TBC1D1: variants seen among roughly 807,000 people sequenced by gnomAD.
TBC1D1 encodes TBC1 (tre-2/USP6, BUB2, cdc16) domain family, member 1.
TBC1D1 carries 89 observed loss-of-function variants against 125.6 expected under a neutral mutation model. The observed-to-expected ratio is 0.71, with a 90% CI of 0.60 to 0.85. The LOEUF is 0.85. TBC1D1 is among the 40% of genes least tolerant of loss of function. The pLI, the probability that TBC1D1 is intolerant of heterozygous loss-of-function variation, is 0.00. For missense variants in TBC1D1, 1,377 were observed against 1,469.2 expected (o/e 0.94, Z 1.03); for synonymous variants, 565 against 564.1 (o/e 1.00, Z -0.02).
chr4:38,026,990 T>A (rs925930793), intron 6 of TBC1D1, among the ~76,000 whole-genome samples: 1 of 152,180 alleles, frequency 6.6e-6, no homozygotes, highest in Non-Finnish European at 1.5e-5. Flanking sequence ...TCCAACAGAA[T>A]AGGAGTTGTT....
intron 6 of TBC1D1, among the ~76,000 whole-genome samples, chr4:38,023,603 A>G (rs1165879085): frequency 2.0e-5 from 3 of 152,320 alleles, no homozygotes; most frequent in East Asian, 1.9e-4. Flanking sequence ...ACTTAGCATA[A>G]TGTTTTCCAG....
chr4:38,018,310 A>G (rs1743258070), intron 3 of TBC1D1, 44 bp from the exon 4 acceptor site: 2 of 1,391,650 alleles, frequency 1.4e-6, no homozygotes, highest in Non-Finnish European at 2.0e-6. Context: ...AGGTCATGAA[A>G]TGAGAAAGTT....
chr4:37,968,208 A>G (rs1039995384), intron 2 of TBC1D1, among the ~76,000 whole-genome samples: 3 of 152,304 alleles, frequency 2.0e-5, no homozygotes, highest in Admixed American at 6.5e-5. Context: ...AGCAAGTGTT[A>G]CTTACAAGGA....
chr4:37,895,294 C>T (rs2152207332), intron 1 of TBC1D1, among the ~76,000 whole-genome samples: 1 of 152,274 alleles, frequency 6.6e-6, no homozygotes, highest in African/African-American at 2.4e-5. Context: ...AGGAACACTG[C>T]AGGTAGGAGG....
intron 4 of TBC1D1, 60 bp downstream of exon 4, chr4:38,018,503 A>G (rs1044626460): frequency 1.1e-5 from 12 of 1,071,152 alleles, no homozygotes; most frequent in Non-Finnish European, 1.7e-5. Context: ...AATTTCTATA[A>G]TATCTATCAT....
At chr4:37,915,744 T>C (rs1207488321) in intron 2 of TBC1D1, among the ~76,000 whole-genome samples, 2 of 152,222 alleles carry the variant, frequency 1.3e-5, no homozygotes, top group Non-Finnish European at 2.9e-5. Flanking sequence ...TTCCTCATTT[T>C]TCCTTTCCTC....
chr4:38,133,028 G>C, intron 18 of TBC1D1, 56 bp from the exon 21 acceptor site: 1 of 1,536,966 alleles, frequency 6.5e-7, no homozygotes, highest in South Asian at 1.2e-5. Context: ...ACGCCTGCCT[G>C]TACTTGTGGG....
At chr4:38,087,845 CAAAAAAAAA>C (rs1215951890) in intron 12 of TBC1D1, among the ~76,000 whole-genome samples, 24 of 67,882 alleles carry the variant, frequency 3.5e-4, no homozygotes, top group Non-Finnish European at 3.8e-4. Flanking sequence ...GATTCCGTCT[CAAAAAAAAA>C]AAAAAAAAGA....
intron 15 of TBC1D1, among the ~76,000 whole-genome samples, chr4:38,104,118 C>T (rs1760846618): frequency 7.4e-6 from 1 of 134,628 alleles, no homozygotes; most frequent in Non-Finnish European, 1.5e-5. Context: ...CAAGATCATG[C>T]CACTACGCTC....
At chr4:37,929,638 G>C (rs1722844257) in intron 2 of TBC1D1, among the ~76,000 whole-genome samples, 1 of 152,172 alleles carries the variant, frequency 6.6e-6, no homozygotes, top group Non-Finnish European at 1.5e-5. Flanking sequence ...AGTTTTCCTA[G>C]TGTGCAGGAG....
intron 17 of TBC1D1, among the ~76,000 whole-genome samples, chr4:38,124,282 G>A (rs1764300453): frequency 6.6e-6 from 1 of 152,148 alleles, no homozygotes. Flanking sequence ...TTGCTGCTCG[G>A]CCGCTTGCCT....
chr4:38,116,135 A>T (rs2152573534), intron 16 of TBC1D1, among the ~76,000 whole-genome samples, 181 bp downstream of exon 18: 1 of 124,002 alleles, frequency 8.1e-6, no homozygotes, highest in East Asian at 2.5e-4. Flanking sequence ...CCTCTAAGGA[A>T]GACACTGTTC....
chr4:38,052,818 T>C (rs2152484799), intron 11 of TBC1D1, among the ~76,000 whole-genome samples: 1 of 151,798 alleles, frequency 6.6e-6, no homozygotes, highest in East Asian at 1.9e-4. Flanking sequence ...TATCAGAAAC[T>C]TCCTGATTGA....
intron 2 of TBC1D1, chr4:37,960,864 G>C (rs755785836): frequency 6.2e-7 from 1 of 1,614,062 alleles, no homozygotes; most frequent in African/African-American, 1.3e-5. Context: ...CTTGAGTGGA[G>C]TGCCTCTCAT....
At chr4:38,126,864 T>C (rs1458231164) in intron 18 of TBC1D1, among the ~76,000 whole-genome samples, 1 of 152,194 alleles carries the variant, frequency 6.6e-6, no homozygotes, top group Non-Finnish European at 1.5e-5. Context: ...CTTTAGCAGC[T>C]CTCCTACACT....
chr4:38,061,337 A>G (rs1042266555), intron 12 of TBC1D1, among the ~76,000 whole-genome samples: 3 of 152,188 alleles, frequency 2.0e-5, no homozygotes, highest in African/African-American at 7.2e-5. Flanking sequence ...ATCTGGTAGT[A>G]CATAATCTCC....
chr4:37,990,207 A>G (rs969215276), intron 2 of TBC1D1, among the ~76,000 whole-genome samples: 1 of 152,240 alleles, frequency 6.6e-6, no homozygotes, highest in African/African-American at 2.4e-5. Flanking sequence ...GTAAGTTTCC[A>G]AGTTTAAAAT....
intron 2 of TBC1D1, among the ~76,000 whole-genome samples, chr4:37,937,343 T>G (rs1287459628): frequency 6.6e-6 from 1 of 152,180 alleles, no homozygotes; most frequent in African/African-American, 2.4e-5. Flanking sequence ...AGACGGTCGT[T>G]CAATGCTGGG....
intron 2 of TBC1D1, among the ~76,000 whole-genome samples, chr4:37,936,760 A>T (rs1560500947): frequency 5.3e-5 from 8 of 152,138 alleles, no homozygotes; most frequent in Non-Finnish European, 1.2e-4. Context: ...CTAGAATAGA[A>T]CCTCCTTGCG....
Sources: gnomAD v4.1 joint callset for allele counts (sites outside exome capture counted in the v4.1 genomes callset) on GRCh38, gnomAD v4.1.1 for gene constraint, MANE v1.5 for transcripts, NCBI Gene and HGNC (gene_info 2026-07-23, HGNC 2026-07-21) for gene names.